Variants in MAPK6 observed in about 807,000 individuals in gnomAD.
The protein encoded by MAPK6 is mitogen-activated protein kinase 6, also known as ERK-3.
A neutral mutation model predicts 59.3 loss-of-function variants in MAPK6; 19 were observed. That is an observed-to-expected ratio of 0.32 (90% CI 0.22 to 0.47). The LOEUF is 0.47. Ranked by LOEUF, MAPK6 falls within the 20% of genes least tolerant of loss-of-function variation. The pLI is 1.00. For synonymous variants in MAPK6, 316 were observed against 290.3 expected, an observed-to-expected ratio of 1.09 and a Z score of -0.90; for missense variants, 724 against 847.9, an observed-to-expected ratio of 0.85 and a Z score of 1.81.
At chr15:52,036,056 G>C (rs2031230008) in intron 1 of MAPK6, among the ~76,000 whole-genome samples, 1 of 152,124 alleles carries the variant, frequency 6.6e-6, no homozygotes, top group Non-Finnish European at 1.5e-5. Context: ...AAATTTGAGA[G>C]CTGGAAGAGA....
intron 5 of MAPK6, 134 bp downstream of exon 5, chr15:52,061,634 A>C: frequency 1.4e-6 from 1 of 725,802 alleles, no homozygotes; most frequent in Non-Finnish European, 2.2e-6. Flanking sequence ...TACAAAAATT[A>C]GTCAGGTGTG....
At chr15:52,030,691 A>T (rs1436273992) in intron 1 of MAPK6, among the ~76,000 whole-genome samples, 3 of 129,140 alleles carry the variant, frequency 2.3e-5, no homozygotes, top group South Asian at 2.3e-4. Flanking sequence ...CAGCGGTGCA[A>T]TCTTGGCTCA....
intron 5 of MAPK6, among the ~76,000 whole-genome samples, chr15:52,062,581 G>T (rs56130913): frequency 6.6e-6 from 1 of 151,948 alleles, no homozygotes; most frequent in African/African-American, 2.4e-5. Context: ...CCTGGCTAAC[G>T]TGGTGAAACC....
In MAPK6 at chr15:52,053,552, GTTTT is replaced by G. The variant is rs201552416; in HGVS notation, c.700+3420_700+3423del. ...TACATGTATTTTCTCCTATTCTGCA[GTTTT>G]TTTTCCCTTTCTTTATAGTGTCTTT... On this transcript the variant is annotated intron_variant, in intron 3 of 5. Transcript: ENST00000261845. 1.1e-4 allele frequency among the ~76,000 whole-genome samples: 16 copies of G among 151,710 alleles called. 1 individual carries two copies. The highest frequency in any genetic ancestry group is 8.5e-4 in the Admixed American group (13 of 15,214).
At chr15:51,977,030 GTCTC>G (rs1234477290) in intron 1 of MAPK6, among the ~76,000 whole-genome samples, 1 of 151,570 alleles carries the variant, frequency 6.6e-6, no homozygotes, top group African/African-American at 2.4e-5. Flanking sequence ...GGGGGATGGA[GTCTC>G]TCTCTGTTGC....
intron 1 of MAPK6, among the ~76,000 whole-genome samples, chr15:51,977,298 C>A (rs183884050): frequency 1.3e-5 from 2 of 151,538 alleles, no homozygotes; most frequent in Non-Finnish European, 2.9e-5. Flanking sequence ...CCACTGCGCC[C>A]GGCCGATCCA....
Position 51,980,910 on chromosome 15 carries a change from T to C in MAPK6, c.-879-2296T>C, listed in dbSNP as rs1166118471. 3.9e-4 allele frequency among the ~76,000 whole-genome samples: 59 copies of C among 151,498 alleles called. 1 individual carries two copies. The highest frequency in any genetic ancestry group is 3.9e-3 in the Admixed American group (59 of 15,198). On this transcript the variant is annotated intron_variant, in intron 1 of 7. Coordinates refer to the MAPK6 transcript ENST00000691380. Reference sequence around the variant, plus strand: ...CCCAGCCACAAAAGCTATTTCAACGTAGAGCTGATTACCTCATGGAAGCAT... The same window carrying C: ...CCCAGCCACAAAAGCTATTTCAACGCAGAGCTGATTACCTCATGGAAGCAT...
intron 1 of MAPK6, among the ~76,000 whole-genome samples, chr15:51,973,729 TGCA>T (rs1257015239): frequency 6.6e-6 from 1 of 151,932 alleles, no homozygotes. Flanking sequence ...CTCAGCTCAC[TGCA>T]ACCTCCACCT....
chr15:52,047,160 C>T, intron 2 of MAPK6, 145 bp downstream of exon 2: 1 of 486,758 alleles, frequency 2.1e-6, no homozygotes, highest in South Asian at 7.0e-5. Flanking sequence ...ACAAGTCTCT[C>T]TGTTTGAAAT....
chr15:51,989,818 G>T (rs2141815346), intron 2 of MAPK6, among the ~76,000 whole-genome samples: 1 of 152,212 alleles, frequency 6.6e-6, no homozygotes, highest in African/African-American at 2.4e-5. Context: ...TGCCCAGGCT[G>T]GTCTCGAATG....
intron 1 of MAPK6, among the ~76,000 whole-genome samples, chr15:51,972,564 C>T (rs2057136680): frequency 6.6e-6 from 1 of 150,758 alleles, no homozygotes; most frequent in Non-Finnish European, 1.5e-5. Context: ...TCGCTCACGC[C>T]TGTAATCCCA....
chr15:51,989,314 G>C (rs1300072046), intron 2 of MAPK6, among the ~76,000 whole-genome samples: 1 of 151,776 alleles, frequency 6.6e-6, no homozygotes, highest in East Asian at 1.9e-4. Context: ...CCTGACATCA[G>C]TTGATCCGCC....
chr15:52,059,476 G>A (rs567870134), intron 4 of MAPK6, among the ~76,000 whole-genome samples: 1 of 152,232 alleles, frequency 6.6e-6, no homozygotes, highest in South Asian at 2.1e-4. Context: ...TTGGGAGGTG[G>A]AGTGGGGAAC....
At chr15:52,021,485 T>G (rs888928403) in intron 1 of MAPK6, 3 of 148,106 alleles carry the variant, frequency 2.0e-5, no homozygotes, top group Admixed American at 6.7e-5. Flanking sequence ...TCTAAAAAAG[T>G]AATGGCTTCT....
At chr15:52,063,417 A>G (rs1044645982) in intron 5 of MAPK6, among the ~76,000 whole-genome samples, 12 of 152,226 alleles carry the variant, frequency 7.9e-5, no homozygotes, top group Admixed American at 3.9e-4. Flanking sequence ...TTTTCCCTCA[A>G]TGATTATACA....
chr15:52,024,037 T>C (rs913752864), intron 1 of MAPK6, among the ~76,000 whole-genome samples: 8 of 152,264 alleles, frequency 5.3e-5, no homozygotes, highest in African/African-American at 1.9e-4. Context: ...TTAAATTTGG[T>C]ATTTTTTTCA....
chr15:52,055,526 T>C (rs80340069), intron 3 of MAPK6, among the ~76,000 whole-genome samples: 1 of 152,192 alleles, frequency 6.6e-6, no homozygotes, highest in Non-Finnish European at 1.5e-5. Context: ...TTTGTTTGTT[T>C]GTTTGTTTTG....
intron 2 of MAPK6, among the ~76,000 whole-genome samples, chr15:52,002,427 C>T (rs1313122853): frequency 1.3e-5 from 2 of 152,212 alleles, no homozygotes; most frequent in Non-Finnish European, 2.9e-5. Context: ...TCTCAGACCT[C>T]TCCTGGCTCT....
chr15:52,023,122 AAAAAAAC>A (rs887100081), intron 1 of MAPK6, among the ~76,000 whole-genome samples: 2 of 151,302 alleles, frequency 1.3e-5, no homozygotes, highest in Non-Finnish European at 3.0e-5. Context: ...AAAAAAAAAA[AAAAAAAC>A]CGAAAAACAA....
Sources: gnomAD v4.1 joint callset for allele counts (sites outside exome capture counted in the v4.1 genomes callset) on GRCh38, gnomAD v4.1.1 for gene constraint, MANE v1.5 for transcripts, NCBI Gene and HGNC (gene_info 2026-07-23, HGNC 2026-07-21) for gene names.